HECW1: variants seen among roughly 807,000 people sequenced by gnomAD.
The protein encoded by HECW1 is E3 ubiquitin-protein ligase HECW1.
Under a neutral mutation model 182.3 loss-of-function variants are expected in HECW1, and 61 were observed. The observed-to-expected ratio is 0.33, with a 90% CI of 0.27 to 0.41. HECW1 has a LOEUF of 0.41. HECW1 is among the 10% of genes least tolerant of loss of function. HECW1 has a pLI of 1.00. For synonymous variants in HECW1, 859 were observed against 832.6 expected, an observed-to-expected ratio of 1.03 and a Z score of -0.55; for missense variants, 1,739 against 2,108.9, an observed-to-expected ratio of 0.82 and a Z score of 3.44.
rs534176342 is a variant in HECW1 at position 43,145,833 on chromosome 7, T to TA, written c.-32+31451dup. Among the ~76,000 whole-genome samples, 1,003 of 151,522 alleles carry TA rather than the reference T, an allele frequency of 6.6e-3. 9 individuals are homozygous for TA. The highest frequency in any genetic ancestry group is 0.023 in the African/African-American group (948 of 41,304). ...TATCTTCTGTGTGTCACCTCCAGGG[T>TA]AAAAAAAAATAATAATAACAGAGTG... On this transcript the variant is annotated intron_variant, in intron 2 of 29. Coordinates refer to ENST00000395891, the MANE Select transcript of HECW1 (RefSeq NM_015052.5).
chr7:43,423,443 G>A (rs1173203630), intron 8 of HECW1, among the ~76,000 whole-genome samples: 2 of 152,198 alleles, frequency 1.3e-5, no homozygotes, highest in Non-Finnish European at 2.9e-5. Context: ...CTACAGTGAT[G>A]CCTGAGGCTC....
chr7:43,222,447 C>G (rs1797066042), intron 2 of HECW1, among the ~76,000 whole-genome samples: 1 of 152,158 alleles, frequency 6.6e-6, no homozygotes, highest in South Asian at 2.1e-4. Context: ...TGGGGCCTTT[C>G]TAATCTAGGA....
chr7:43,501,305 C>T lies in HECW1; in HGVS notation c.3614C>T (p.Ser1205Leu), dbSNP rs2079350646. ...TCTCCCCGATGTTCACCCTGTTCTT[C>T]ACCTCAGAACTCCCCAGGTAACAGG... Reference protein sequence around the residue: ...SFSPRCSPCSSPQNSPGLQRA... With the variant: ...SFSPRCSPCSLPQNSPGLQRA... The change falls in exon 21 of 30, where the codon TCA becomes TTA. Residue 1205 changes from serine (S) to leucine (L), a missense_variant. Coordinates refer to ENST00000395891, the MANE Select transcript of HECW1 (RefSeq NM_015052.5). The T allele has an allele frequency of 6.3e-7, 1 of 1,598,186 alleles. No individual in the cohort carries two copies.
chr7:43,516,743 C>T (rs1024628705), intron 24 of HECW1, among the ~76,000 whole-genome samples: 6 of 152,296 alleles, frequency 3.9e-5, no homozygotes, highest in East Asian at 1.9e-4. Context: ...TTTATCATTG[C>T]GTGAACATCA....
intron 16 of HECW1, among the ~76,000 whole-genome samples, chr7:43,475,318 C>T (rs1368548840): frequency 6.6e-6 from 1 of 152,108 alleles, no homozygotes; most frequent in African/African-American, 2.4e-5. Flanking sequence ...AATTTAAGCA[C>T]AATTGTAAGA....
intron 2 of HECW1, among the ~76,000 whole-genome samples, chr7:43,132,364 G>A (rs1787042558): frequency 1.3e-5 from 2 of 151,988 alleles, no homozygotes; most frequent in Admixed American, 6.6e-5. Context: ...TTACTAATAG[G>A]GACAAATTCC....
At chr7:43,479,863 G>C in intron 17 of HECW1, 119 bp downstream of exon 17, 1 of 1,177,988 alleles carries the variant, frequency 8.5e-7, no homozygotes, top group Admixed American at 2.0e-5. Context: ...AAGAGATTAA[G>C]CCATATGCAC....
chr7:43,192,685 G>A (rs1303680509), intron 2 of HECW1, among the ~76,000 whole-genome samples: 2 of 152,154 alleles, frequency 1.3e-5, no homozygotes, highest in Non-Finnish European at 2.9e-5. Flanking sequence ...ACCAGCTGGT[G>A]ACAATCAATG....
chr7:43,229,164 G>A (rs1797675756), intron 2 of HECW1, among the ~76,000 whole-genome samples: 1 of 152,160 alleles, frequency 6.6e-6, no homozygotes, highest in South Asian at 2.1e-4. Flanking sequence ...CCGGTGTTGA[G>A]CTCTCTCCTC....
At chr7:43,556,038 G>A (rs559644163) in intron 29 of HECW1, among the ~76,000 whole-genome samples, 97 of 152,312 alleles carry the variant, frequency 6.4e-4, no homozygotes, top group Non-Finnish European at 6.8e-4. Context: ...ACACCTGCCC[G>A]TGGGAACCTG....
At chr7:43,135,854 C>A (rs538192733) in intron 2 of HECW1, among the ~76,000 whole-genome samples, 19 of 152,064 alleles carry the variant, frequency 1.2e-4, no homozygotes, top group Admixed American at 6.6e-4. Flanking sequence ...CGTTTGATTT[C>A]TGAATTTAAG....
intron 6 of HECW1, among the ~76,000 whole-genome samples, chr7:43,364,559 C>T (rs547695881): frequency 7.2e-5 from 11 of 152,292 alleles, no homozygotes; most frequent in South Asian, 6.2e-4. Flanking sequence ...GTGCTGGCTG[C>T]GGAGGAGGGG....
chr7:43,188,877 C>T (rs1793647661), intron 2 of HECW1, among the ~76,000 whole-genome samples: 1 of 152,154 alleles, frequency 6.6e-6, no homozygotes, highest in South Asian at 2.1e-4. Flanking sequence ...GGGTTAGAAA[C>T]AATTCATGAA....
chr7:43,400,852 G>A (rs1349647656), intron 7 of HECW1, among the ~76,000 whole-genome samples: 3 of 152,184 alleles, frequency 2.0e-5, no homozygotes, highest in African/African-American at 7.2e-5. Flanking sequence ...AGCCAGGCTG[G>A]TTCCTTCTGG....
chr7:43,114,837 T>C (rs753117273), intron 2 of HECW1, among the ~76,000 whole-genome samples: 21 of 152,228 alleles, frequency 1.4e-4, no homozygotes, highest in Non-Finnish European at 2.8e-4. Context: ...GAACAGCCCA[T>C]CAATGTATCA....
chr7:43,362,563 T>C (rs34990901), intron 6 of HECW1, among the ~76,000 whole-genome samples: 5,399 of 152,328 alleles, frequency 0.035, 110 homozygotes, highest in Middle Eastern at 0.041. Context: ...CAGGCCCGTT[T>C]GTTTGGGCAT....
chr7:43,361,435 T>A (rs1815899008), intron 6 of HECW1, among the ~76,000 whole-genome samples: 1 of 152,214 alleles, frequency 6.6e-6, no homozygotes, highest in East Asian at 1.9e-4. Context: ...GTCATAGAAT[T>A]ATAACATGAT....
chr7:43,405,857 G>A (rs938622497), intron 7 of HECW1, among the ~76,000 whole-genome samples: 2 of 152,172 alleles, frequency 1.3e-5, no homozygotes, highest in Admixed American at 1.3e-4. Context: ...ACACATTCCT[G>A]CAGATGTGGC....
At chr7:43,336,056 CCTCT>C (rs1334044782) in intron 5 of HECW1, among the ~76,000 whole-genome samples, 1 of 128,580 alleles carries the variant, frequency 7.8e-6, no homozygotes, top group Non-Finnish European at 1.8e-5. Context: ...TTCCTTCCTT[CCTCT>C]CTCTTTCTTC....
Sources: allele counts gnomAD v4.1 joint callset (sites outside exome capture counted in the v4.1 genomes callset), GRCh38; gene constraint gnomAD v4.1.1; transcripts MANE v1.5; gene names NCBI Gene and HGNC (gene_info 2026-07-23, HGNC 2026-07-21).